CPHXL2: variants seen among roughly 807,000 people sequenced by gnomAD.
CPHXL2 encodes the protein cytoplasmic polyadenylated homeobox like 2, also known as cytoplasmic polyadenylated homeobox-like protein 2.
the CPHXL2 span, among the ~76,000 whole-genome samples, chr16:75,669,844 C>A: frequency 6.6e-6 from 1 of 152,350 alleles, no homozygotes; most frequent in Non-Finnish European, 1.5e-5. Context: ...TTTCAAGCCA[C>A]AATAGCGGAA....
At chr16:75,669,967 T>A in the CPHXL2 span, among the ~76,000 whole-genome samples, 1 of 152,196 alleles carries the variant, frequency 6.6e-6, no homozygotes, top group African/African-American at 2.4e-5. Context: ...CCGGCTGGAG[T>A]GCAGTGGTGC....
chr16:75,664,668 C>T, the CPHXL2 span, among the ~76,000 whole-genome samples: 1 of 151,338 alleles, frequency 6.6e-6, no homozygotes, highest in African/African-American at 2.4e-5. Flanking sequence ...AAACAAAACC[C>T]CAAAATCTTA....
chr16:75,666,045 A>C, the CPHXL2 span, among the ~76,000 whole-genome samples: 6 of 152,196 alleles, frequency 3.9e-5, no homozygotes, highest in African/African-American at 1.4e-4. Flanking sequence ...GACTCACCTA[A>C]CATGTAAGAA....
chr16:75,673,009 A>T, the CPHXL2 span, among the ~76,000 whole-genome samples: 1 of 140,336 alleles, frequency 7.1e-6, no homozygotes, highest in Non-Finnish European at 1.5e-5. Flanking sequence ...CAGGAAGCTG[A>T]GGCTGCAGTG....
the CPHXL2 span, among the ~76,000 whole-genome samples, chr16:75,675,616 C>G: frequency 6.6e-6 from 1 of 152,150 alleles, no homozygotes; most frequent in Non-Finnish European, 1.5e-5. Context: ...ACGCCACACT[C>G]CAAGTTCTGG....
chr16:75,662,898 A>G, the CPHXL2 span, among the ~76,000 whole-genome samples: 1 of 147,810 alleles, frequency 6.8e-6, no homozygotes, highest in East Asian at 2.0e-4. Flanking sequence ...TCCCAGGTTC[A>G]TGCTATTCTT....
the CPHXL2 span, among the ~76,000 whole-genome samples, chr16:75,663,051 C>G: frequency 6.6e-6 from 1 of 152,190 alleles, no homozygotes; most frequent in Non-Finnish European, 1.5e-5. Context: ...CCGCCCGCCT[C>G]GGCCTCCCAA....
the CPHXL2 span, among the ~76,000 whole-genome samples, chr16:75,665,741 TA>T: frequency 6.6e-6 from 1 of 152,158 alleles, no homozygotes. Flanking sequence ...CAGGCGTCTG[TA>T]ATCCCAGCTA....
chr16:75,660,837 G>T, the CPHXL2 span: 83 of 398,636 alleles, frequency 2.1e-4, no homozygotes, highest in Middle Eastern at 1.9e-3. Context: ...CTCACTTCCT[G>T]TGTCACCTCC....
chr16:75,661,229 T>C, the CPHXL2 span: 1 of 400,832 alleles, frequency 2.5e-6, no homozygotes. Context: ...GAAGTCTGGC[T>C]CTATTGTTCT....
chr16:75,665,614 G>T, the CPHXL2 span, among the ~76,000 whole-genome samples: 5 of 152,154 alleles, frequency 3.3e-5, no homozygotes, highest in Non-Finnish European at 5.9e-5. Context: ...TGTAATCCCA[G>T]CACTTTGGGA....
the CPHXL2 span, among the ~76,000 whole-genome samples, chr16:75,672,877 A>T: frequency 6.6e-6 from 1 of 151,956 alleles, no homozygotes; most frequent in African/African-American, 2.4e-5. Flanking sequence ...ACAAAATGAG[A>T]CCTCAGTTTT....
chr16:75,668,410 G>T, the CPHXL2 span, among the ~76,000 whole-genome samples: 1 of 151,952 alleles, frequency 6.6e-6, no homozygotes, highest in South Asian at 2.1e-4. Context: ...TGTATTTTTA[G>T]TAGAGAAGGG....
At chr16:75,676,096 A>C in the CPHXL2 span, among the ~76,000 whole-genome samples, 1 of 152,050 alleles carries the variant, frequency 6.6e-6, no homozygotes, top group Admixed American at 6.6e-5. Context: ...AAAAAAGAAA[A>C]ATACAAAACA....
At chr16:75,663,244 T>C in the CPHXL2 span, among the ~76,000 whole-genome samples, 1 of 151,976 alleles carries the variant, frequency 6.6e-6, no homozygotes, top group Non-Finnish European at 1.5e-5. Context: ...GCTACAAGGA[T>C]CTTTGATCCA....
the CPHXL2 span, among the ~76,000 whole-genome samples, chr16:75,664,300 T>G: frequency 6.6e-6 from 1 of 152,218 alleles, no homozygotes; most frequent in African/African-American, 2.4e-5. Flanking sequence ...CTAAATTGAT[T>G]AAGATCTGTC....
At chr16:75,663,046 C>T in the CPHXL2 span, among the ~76,000 whole-genome samples, 11 of 152,154 alleles carry the variant, frequency 7.2e-5, no homozygotes, top group Non-Finnish European at 1.3e-4. Flanking sequence ...ATGATCCGCC[C>T]GCCTCGGCCT....
chr16:75,665,490 A>T, the CPHXL2 span, among the ~76,000 whole-genome samples: 5 of 152,244 alleles, frequency 3.3e-5, no homozygotes, highest in Non-Finnish European at 7.3e-5. Context: ...GAGCTCTGAA[A>T]TCTTGAAATA....
chr16:75,667,216 GCAGAAGAA>G, the CPHXL2 span, among the ~76,000 whole-genome samples: 1 of 151,356 alleles, frequency 6.6e-6, no homozygotes, highest in African/African-American at 2.4e-5. Flanking sequence ...GGAGACTGAG[GCAGAAGAA>G]TTGCTTGAAC....
Sources: gnomAD v4.1 joint callset for allele counts (sites outside exome capture counted in the v4.1 genomes callset) on GRCh38, gnomAD v4.1.1 for gene constraint, MANE v1.5 for transcripts, NCBI Gene and HGNC (gene_info 2026-07-23, HGNC 2026-07-21) for gene names.